The following IL6R variants were observed in gnomAD, a reference collection of about 807,000 sequenced individuals.
IL6R encodes interleukin-6 receptor subunit alpha.
IL6R carries 38 observed loss-of-function variants against 48.3 expected under a neutral mutation model. The observed-to-expected ratio is 0.79, with a 90% CI of 0.61 to 1.03. The LOEUF is 1.03. Ranked by LOEUF, IL6R falls within the 50% of genes least tolerant of loss-of-function variation. IL6R has a pLI of 0.00. For synonymous variants in IL6R, 264 were observed against 256.2 expected (o/e 1.03, Z -0.29); for missense variants, 534 against 618.3 (o/e 0.86, Z 1.45).
At position 154,465,136 on chromosome 1, in the gene IL6R, T is replaced by G. The variant is rs753438514; in HGVS notation, c.1163T>G (p.Phe388Cys). The change falls in exon 10 of 10, where the codon TTC becomes TGC. Residue 388 changes from phenylalanine to cysteine, a missense_variant and splice_region_variant. By Grantham distance (205) the Phe-to-Cys change is radical. Coordinates refer to ENST00000368485, the MANE Select transcript of IL6R (RefSeq NM_000565.4). ...TLLCIAIVLR[F>C]KKTWKLRALK... ...TGTCTTTGTGTGTTTGTGTGAAGGT[T>G]CAAGAAGACGTGGAAGCTGCGGGCT... 2 of 1,614,138 alleles carry G rather than the reference T, an allele frequency of 1.2e-6. No homozygotes were observed. Among genetic ancestry groups the G allele is most frequent in the Non-Finnish European group, 1.7e-6 (2 of 1,180,036 alleles).
At chr1:154,424,660 C>T (rs1688866406) in intron 1 of IL6R, among the ~76,000 whole-genome samples, 1 of 152,172 alleles carries the variant, frequency 6.6e-6, no homozygotes, top group African/African-American at 2.4e-5. Flanking sequence ...TTAGAAGTGT[C>T]GTTGCATCTT....
At chr1:154,406,434 C>G (rs1017613362) in intron 1 of IL6R, 3 of 152,304 alleles carry the variant, frequency 2.0e-5, no homozygotes, top group Middle Eastern at 3.2e-3. Flanking sequence ...GGCAGAGGCA[C>G]TTACTGCTCC....
Position 154,465,626 on chromosome 1 carries a change from A to T in IL6R, c.*246A>T. ...AAAGGGGCTAGAGTGAACTTGGGCC[A>T]CTGTGAAGAGAACCATATCAAGACT... is the stretch of plus-strand genomic sequence containing the variant. On this transcript the variant is annotated 3_prime_UTR_variant, in exon 10 of 10. Transcript: ENST00000368485. 1.9e-6 allele frequency: 1 copy of T among 538,104 alleles called. No homozygotes were observed. The allele number at this position is 538,104 out of a possible 1,614,324, so 33.3% of individuals were successfully genotyped here. A position where few individuals can be genotyped will look rare whatever the true frequency, so the allele number is the denominator to read the frequency against.
chr1:154,424,409 A>T (rs556715548), intron 1 of IL6R, among the ~76,000 whole-genome samples: 1 of 152,158 alleles, frequency 6.6e-6, no homozygotes, highest in Non-Finnish European at 1.5e-5. Flanking sequence ...TTAGACCTTC[A>T]TGCATCCTGC....
At chr1:154,449,522 AC>A (rs1260241345) in intron 7 of IL6R, among the ~76,000 whole-genome samples, 3 of 152,122 alleles carry the variant, frequency 2.0e-5, no homozygotes, top group African/African-American at 7.2e-5. Context: ...TCACAAAAAA[AC>A]AAACAAAAAA....
chr1:154,425,717 T>C (rs1306794650), intron 1 of IL6R, among the ~76,000 whole-genome samples: 1 of 150,002 alleles, frequency 6.7e-6, no homozygotes, highest in Non-Finnish European at 1.5e-5. Flanking sequence ...GAAGTTGCAG[T>C]GAACCATGAT....
chr1:154,436,539 A>G (rs1442278189), intron 6 of IL6R, among the ~76,000 whole-genome samples: 1 of 152,196 alleles, frequency 6.6e-6, no homozygotes, highest in Non-Finnish European at 1.5e-5. Flanking sequence ...TTTCAAAAAT[A>G]CAGTCAGTTA....
intron 6 of IL6R, among the ~76,000 whole-genome samples, chr1:154,443,363 G>A (rs1690039471): frequency 6.6e-6 from 1 of 152,124 alleles, no homozygotes; most frequent in South Asian, 2.1e-4. Context: ...ACATTCTGGG[G>A]TTAAAGAGCC....
At chr1:154,464,087 C>A (rs2149279213) in intron 9 of IL6R, among the ~76,000 whole-genome samples, 1 of 152,054 alleles carries the variant, frequency 6.6e-6, no homozygotes, top group South Asian at 2.1e-4. Context: ...GCCAGCCTTA[C>A]TTTGACCGAG....
rs1367049034 is a variant in IL6R at position 154,436,081 on chromosome 1, G to T, written c.920G>T (p.Ser307Ile). 6.2e-7 allele frequency: 1 copy of T among 1,612,428 alleles called. No individual in the cohort carries two copies. The highest frequency in any genetic ancestry group is 8.5e-7 in the Non-Finnish European group (1 of 1,178,984). Residue 307 changes from serine (S) to isoleucine (I), a missense_variant, in exon 6 of 10, where the codon AGC becomes ATC. Transcript: ENST00000368485. ...EFGQGEWSEW[S>I]PEAMGTPWTE... is the part of the protein sequence containing the mutation. ...GGGCAAGGCGAGTGGAGCGAGTGGA[G>T]CCCGGAGGCCATGGGCACGCCTTGG...
intron 1 of IL6R, among the ~76,000 whole-genome samples, chr1:154,413,769 C>CTTT (rs1266706392): frequency 4.5e-5 from 5 of 111,744 alleles, no homozygotes; most frequent in African/African-American, 1.0e-4. Context: ...TCATACATGA[C>CTTT]TTTTTTTTTT....
intron 9 of IL6R, among the ~76,000 whole-genome samples, chr1:154,457,650 A>G (rs1157172880): frequency 1.3e-5 from 2 of 152,188 alleles, no homozygotes; most frequent in African/African-American, 2.4e-5. Context: ...CCTTCAGTGA[A>G]CAAGCAATAA....
chr1:154,439,943 C>G (rs961447369), intron 6 of IL6R, among the ~76,000 whole-genome samples: 5 of 152,006 alleles, frequency 3.3e-5, no homozygotes, highest in Non-Finnish European at 1.5e-5. Context: ...CTGTCACCCA[C>G]CCAGGCTGGA....
At chr1:154,425,782 G>GAA (rs112621723) in intron 1 of IL6R, among the ~76,000 whole-genome samples, 1 of 106,448 alleles carries the variant, frequency 9.4e-6, no homozygotes, top group African/African-American at 3.6e-5. Context: ...CCAAGAAAAA[G>GAA]AAAAAAAAAA....
At chr1:154,464,026 G>GT (rs1691403358) in intron 9 of IL6R, among the ~76,000 whole-genome samples, 1 of 152,160 alleles carries the variant, frequency 6.6e-6, no homozygotes. Context: ...TGAGGGAGCA[G>GT]TGGGACCCTT....
At chr1:154,423,878 C>T (rs1283575586) in intron 1 of IL6R, among the ~76,000 whole-genome samples, 4 of 152,198 alleles carry the variant, frequency 2.6e-5, no homozygotes, top group Non-Finnish European at 2.9e-5. Context: ...TTTGGTATTT[C>T]TCTGAGCTGC....
chr1:154,456,802 G>T (rs1690914477), intron 9 of IL6R, among the ~76,000 whole-genome samples: 1 of 152,130 alleles, frequency 6.6e-6, no homozygotes, highest in East Asian at 1.9e-4. Context: ...GAGTCATTGG[G>T]TGGGGGTTGG....
intron 7 of IL6R, among the ~76,000 whole-genome samples, 158 bp downstream of exon 7, chr1:154,448,329 A>G (rs1690388486): frequency 6.6e-6 from 1 of 152,340 alleles, no homozygotes; most frequent in African/African-American, 2.4e-5. Context: ...TGTGAAAGGG[A>G]ATCATAGAAA....
At chr1:154,424,134 G>A (rs142013180) in intron 1 of IL6R, among the ~76,000 whole-genome samples, 11 of 152,286 alleles carry the variant, frequency 7.2e-5, no homozygotes, top group South Asian at 2.1e-4. Flanking sequence ...CACACAACAC[G>A]AGAGGGCACC....
Sources: allele counts gnomAD v4.1 joint callset (sites outside exome capture counted in the v4.1 genomes callset), GRCh38; gene constraint gnomAD v4.1.1; transcripts MANE v1.5; gene names NCBI Gene and HGNC (gene_info 2026-07-23, HGNC 2026-07-21).